The following FBXL7 variants were observed in gnomAD, a reference collection of about 807,000 sequenced individuals.
FBXL7 encodes F-box and leucine rich repeat protein 7.
FBXL7 carries 12 observed loss-of-function variants against 38.3 expected under a neutral mutation model. The observed-to-expected ratio is 0.31, with a 90% CI of 0.20 to 0.51. The LOEUF (loss-of-function observed/expected upper bound fraction) is 0.51, where lower values mean the gene tolerates loss of function less well. FBXL7 is among the 20% of genes least tolerant of loss of function. FBXL7 has a pLI of 0.98. For missense variants in FBXL7, 567 were observed against 676.4 expected (o/e 0.84, Z 1.79); for synonymous variants, 297 against 300.9 (o/e 0.99, Z 0.13).
At chr5:15,901,051 C>A (rs1741221278) in intron 2 of FBXL7, among the ~76,000 whole-genome samples, 1 of 152,134 alleles carries the variant, frequency 6.6e-6, no homozygotes, top group Non-Finnish European at 1.5e-5. Context: ...TCTTCAGTGG[C>A]CACTCTAAAA....
intron 1 of FBXL7, among the ~76,000 whole-genome samples, chr5:15,569,297 G>T (rs62353785): frequency 2.0e-5 from 3 of 149,396 alleles, no homozygotes; most frequent in Non-Finnish European, 3.0e-5. Flanking sequence ...CCTTGAAGAG[G>T]TCCTTCACAT....
At chr5:15,707,331 T>G (rs1743720515) in intron 2 of FBXL7, among the ~76,000 whole-genome samples, 1 of 152,140 alleles carries the variant, frequency 6.6e-6, no homozygotes, top group Non-Finnish European at 1.5e-5. Flanking sequence ...ATCCTATTCT[T>G]TCTGTGCACA....
intron 1 of FBXL7, chr5:15,580,726 C>T: frequency 2.0e-6 from 2 of 985,354 alleles, no homozygotes; most frequent in Non-Finnish European, 2.4e-6. Context: ...AGGTGGTGAG[C>T]CTGAAGATCT....
intron 1 of FBXL7, among the ~76,000 whole-genome samples, chr5:15,543,148 A>G (rs1737803055): frequency 1.3e-5 from 2 of 152,190 alleles, no homozygotes; most frequent in African/African-American, 4.8e-5. Context: ...TAATAAAGAC[A>G]TACCTGAGAC....
chr5:15,895,399 A>G (rs566421455), intron 2 of FBXL7, among the ~76,000 whole-genome samples: 4 of 152,254 alleles, frequency 2.6e-5, no homozygotes, highest in African/African-American at 9.6e-5. Context: ...TGCTTAGCAC[A>G]TGGAACAGGG....
intron 2 of FBXL7, among the ~76,000 whole-genome samples, chr5:15,797,199 G>A (rs1737437728): frequency 6.6e-6 from 1 of 152,106 alleles, no homozygotes; most frequent in African/African-American, 2.4e-5. Context: ...AACAGAGGTT[G>A]GGCACAGCAT....
At chr5:15,558,622 T>C (rs1738321627) in intron 1 of FBXL7, among the ~76,000 whole-genome samples, 1 of 152,238 alleles carries the variant, frequency 6.6e-6, no homozygotes, top group South Asian at 2.1e-4. Context: ...CTAAATAAAC[T>C]GGAGCTGCGC....
At chr5:15,503,432 CAAAA>C (rs1322060638) in intron 1 of FBXL7, among the ~76,000 whole-genome samples, 1 of 152,104 alleles carries the variant, frequency 6.6e-6, no homozygotes, top group Admixed American at 6.5e-5. Flanking sequence ...AAAAACAAAA[CAAAA>C]GAAAACAAAA....
At chr5:15,891,775 G>T (rs950624647) in intron 2 of FBXL7, among the ~76,000 whole-genome samples, 1 of 152,206 alleles carries the variant, frequency 6.6e-6, no homozygotes, top group Non-Finnish European at 1.5e-5. Flanking sequence ...ACTGAATAAA[G>T]GTGCTATTTA....
chr5:15,525,891 T>C (rs934362075), intron 1 of FBXL7, among the ~76,000 whole-genome samples: 1 of 152,194 alleles, frequency 6.6e-6, no homozygotes, highest in Admixed American at 6.5e-5. Flanking sequence ...TGAAGTATTA[T>C]ACAAGCACTA....
At chr5:15,887,616 G>A (rs1740730823) in intron 2 of FBXL7, among the ~76,000 whole-genome samples, 1 of 152,286 alleles carries the variant, frequency 6.6e-6, no homozygotes, top group Non-Finnish European at 1.5e-5. Context: ...TTGTTAAGGT[G>A]TATCCCTAAA....
chr5:15,576,797 G>T (rs1158828074), intron 1 of FBXL7, among the ~76,000 whole-genome samples: 1 of 151,960 alleles, frequency 6.6e-6, no homozygotes, highest in Non-Finnish European at 1.5e-5. Flanking sequence ...ATTCCCAGGT[G>T]TTTATACATC....
intron 2 of FBXL7, among the ~76,000 whole-genome samples, chr5:15,754,574 C>CG (rs1561113350): frequency 2.0e-5 from 3 of 152,050 alleles, no homozygotes; most frequent in African/African-American, 7.2e-5. Flanking sequence ...AGTTAGACAC[C>CG]GGGCAACCAA....
chr5:15,843,789 A>G (rs1738813648), intron 2 of FBXL7, among the ~76,000 whole-genome samples: 1 of 151,762 alleles, frequency 6.6e-6, no homozygotes, highest in African/African-American at 2.4e-5. Flanking sequence ...TTAATGAAGA[A>G]TCTACACACA....
At chr5:15,651,876 C>T (rs1213773615) in intron 2 of FBXL7, among the ~76,000 whole-genome samples, 1 of 152,222 alleles carries the variant, frequency 6.6e-6, no homozygotes, top group Non-Finnish European at 1.5e-5. Flanking sequence ...AAGGCTACTT[C>T]ATATGCACTG....
intron 1 of FBXL7, among the ~76,000 whole-genome samples, chr5:15,545,310 A>C (rs1470413853): frequency 6.6e-6 from 1 of 152,218 alleles, no homozygotes; most frequent in Non-Finnish European, 1.5e-5. Flanking sequence ...ACATAAGACT[A>C]TCTTAGAGGT....
intron 1 of FBXL7, among the ~76,000 whole-genome samples, chr5:15,574,912 A>G (rs1738905767): frequency 6.6e-6 from 1 of 152,196 alleles, no homozygotes; most frequent in African/African-American, 2.4e-5. Flanking sequence ...TCTCTTAGCC[A>G]TTCTGACTTG....
chr5:15,837,010 T>G (rs997626645), intron 2 of FBXL7, among the ~76,000 whole-genome samples: 3 of 152,202 alleles, frequency 2.0e-5, no homozygotes, highest in Non-Finnish European at 4.4e-5. Context: ...CCCTCCCTCG[T>G]GTCCAGCAGA....
At chr5:15,694,188 C>G (rs1743264393) in intron 2 of FBXL7, among the ~76,000 whole-genome samples, 1 of 152,114 alleles carries the variant, frequency 6.6e-6, no homozygotes. Context: ...TAATGGTGCA[C>G]CAAAGACACA....
Sources: allele counts gnomAD v4.1 joint callset (sites outside exome capture counted in the v4.1 genomes callset), GRCh38; gene constraint gnomAD v4.1.1; transcripts MANE v1.5; gene names NCBI Gene and HGNC (gene_info 2026-07-23, HGNC 2026-07-21).